SH3PXD2A: variants seen among roughly 807,000 people sequenced by gnomAD.
SH3PXD2A encodes the protein SH3 and PX domain-containing protein 2A.
A neutral mutation model predicts 115.2 loss-of-function variants in SH3PXD2A; 32 were observed. The ratio of observed to expected loss-of-function variants is 0.28; its 90% CI spans 0.21 to 0.37. The LOEUF is 0.37. SH3PXD2A is among the 10% of genes least tolerant of loss of function. The probability of loss-of-function intolerance (pLI) is 1.00; values close to 1 mark genes in which losing one functional copy is unlikely to be tolerated. For missense variants in SH3PXD2A, 1,328 were observed against 1,498.7 expected (o/e 0.89, Z 1.88); for synonymous variants, 610 against 629.1 (o/e 0.97, Z 0.45).
intron 13 of SH3PXD2A, among the ~76,000 whole-genome samples, chr10:103,606,177 TATCATCATCATCATCATCATCATCATC>T (rs56654395): frequency 2.8e-5 from 4 of 142,726 alleles, no homozygotes; most frequent in Admixed American, 7.0e-5. Flanking sequence ...TTACTATTAC[TATCATCATCATCATCATCATCATCATC>T]ATCATCATCA....
At chr10:103,680,765 C>T (rs1014703040) in intron 6 of SH3PXD2A, among the ~76,000 whole-genome samples, 1 of 152,164 alleles carries the variant, frequency 6.6e-6, no homozygotes, top group Non-Finnish European at 1.5e-5. Context: ...CATGATTTTC[C>T]TGTAAACTTC....
chr10:103,644,168 A>G (rs1369940240), intron 8 of SH3PXD2A, among the ~76,000 whole-genome samples: 1 of 150,124 alleles, frequency 6.7e-6, no homozygotes, highest in Non-Finnish European at 1.5e-5. Context: ...TTCAAATCCA[A>G]GCCTGGCCAC....
chr10:103,837,623 A>G (rs1027428347), intron 1 of SH3PXD2A, among the ~76,000 whole-genome samples: 1 of 152,072 alleles, frequency 6.6e-6, no homozygotes, highest in Non-Finnish European at 1.5e-5. Flanking sequence ...CTGCAGGTGA[A>G]CTCAGGTGAG....
intron 8 of SH3PXD2A, among the ~76,000 whole-genome samples, chr10:103,646,627 G>A (rs2037040714): frequency 6.6e-6 from 1 of 152,154 alleles, no homozygotes; most frequent in Non-Finnish European, 1.5e-5. Context: ...CCCCTCAGCT[G>A]GGTCAGAGCG....
intron 3 of SH3PXD2A, among the ~76,000 whole-genome samples, chr10:103,755,760 G>A (rs1035749288): frequency 6.6e-6 from 1 of 152,200 alleles, no homozygotes; most frequent in Non-Finnish European, 1.5e-5. Flanking sequence ...TACCCGCTGA[G>A]AAGTTCTTCC....
chr10:103,608,198 G>A (rs1479843054), intron 13 of SH3PXD2A, among the ~76,000 whole-genome samples: 2 of 128,398 alleles, frequency 1.6e-5, no homozygotes, highest in Non-Finnish European at 3.3e-5. Context: ...AGACCCACCA[G>A]CAGGGAGAAC....
At chr10:103,660,012 G>C (rs997154918) in intron 8 of SH3PXD2A, among the ~76,000 whole-genome samples, 9 of 152,100 alleles carry the variant, frequency 5.9e-5, no homozygotes, top group Non-Finnish European at 1.3e-4. Context: ...TTTCCTTTCC[G>C]GGTTTAAACA....
intron 2 of SH3PXD2A, among the ~76,000 whole-genome samples, chr10:103,781,198 A>T (rs2038928418): frequency 6.6e-6 from 1 of 152,200 alleles, no homozygotes; most frequent in Non-Finnish European, 1.5e-5. Flanking sequence ...CATGGTATCC[A>T]ACACATACCT....
intron 8 of SH3PXD2A, among the ~76,000 whole-genome samples, chr10:103,652,035 A>AGTTT (rs1317835460): frequency 6.6e-6 from 1 of 152,188 alleles, no homozygotes. Flanking sequence ...ACTTACTCTG[A>AGTTT]GTTTGGCCTT....
intron 1 of SH3PXD2A, among the ~76,000 whole-genome samples, chr10:103,808,444 G>T (rs1167741911): frequency 6.6e-6 from 1 of 151,952 alleles, no homozygotes; most frequent in African/African-American, 2.4e-5. Context: ...TAGAGACAGG[G>T]TTTCACCATG....
At chr10:103,844,524 C>T (rs1386313605) in intron 1 of SH3PXD2A, among the ~76,000 whole-genome samples, 3 of 152,234 alleles carry the variant, frequency 2.0e-5, no homozygotes, top group Non-Finnish European at 4.4e-5. Context: ...TCCCTATATG[C>T]TCTGAACACT....
chr10:103,629,767 G>A (rs1040942932), intron 8 of SH3PXD2A, among the ~76,000 whole-genome samples: 4 of 152,222 alleles, frequency 2.6e-5, no homozygotes, highest in Non-Finnish European at 5.9e-5. Flanking sequence ...TCACTAGCTA[G>A]TCAAGGAGTC....
At chr10:103,774,010 C>T (rs1347202672) in intron 2 of SH3PXD2A, among the ~76,000 whole-genome samples, 2 of 152,248 alleles carry the variant, frequency 1.3e-5, no homozygotes, top group Non-Finnish European at 2.9e-5. Context: ...GCTGGGATTA[C>T]AGGCATGAAC....
At chr10:103,852,719 G>C (rs1468850350) in intron 1 of SH3PXD2A, among the ~76,000 whole-genome samples, 1 of 152,192 alleles carries the variant, frequency 6.6e-6, no homozygotes, top group Non-Finnish European at 1.5e-5. Context: ...TCCTGCCCCT[G>C]TCTGTCCCAC....
At chr10:103,769,400 T>C (rs1172725447) in intron 2 of SH3PXD2A, among the ~76,000 whole-genome samples, 1 of 151,920 alleles carries the variant, frequency 6.6e-6, no homozygotes, top group East Asian at 1.9e-4. Flanking sequence ...AGATGGATAT[T>C]TAACAAAAGC....
intron 1 of SH3PXD2A, among the ~76,000 whole-genome samples, chr10:103,829,998 C>T (rs141964334): frequency 0.012 from 1,837 of 152,274 alleles, 37 homozygotes; most frequent in Non-Finnish European, 0.014. Flanking sequence ...GTCTGCAGCT[C>T]CACCCCCACC....
chr10:103,722,303 CAAAAA>C (rs34835878), intron 5 of SH3PXD2A, among the ~76,000 whole-genome samples: 1 of 91,332 alleles, frequency 1.1e-5, no homozygotes. Context: ...GACTCTGTCT[CAAAAA>C]AAAAAAAAAA....
chr10:103,715,558 A>G (rs1328233421), intron 5 of SH3PXD2A, among the ~76,000 whole-genome samples: 2 of 152,160 alleles, frequency 1.3e-5, no homozygotes, highest in East Asian at 1.9e-4. Context: ...CTCAGTGCCC[A>G]GTTTGTGATC....
intron 1 of SH3PXD2A, among the ~76,000 whole-genome samples, chr10:103,837,520 C>G (rs941179321): frequency 1.3e-5 from 2 of 152,192 alleles, no homozygotes; most frequent in African/African-American, 4.8e-5. Context: ...TTGGGCAGAG[C>G]AAGCTTCCCT....
Sources: allele counts gnomAD v4.1 joint callset (sites outside exome capture counted in the v4.1 genomes callset), GRCh38; gene constraint gnomAD v4.1.1; transcripts MANE v1.5; gene names NCBI Gene and HGNC (gene_info 2026-07-23, HGNC 2026-07-21).